The following TDRD10 variants were observed in gnomAD, a reference collection of about 807,000 sequenced individuals.
The protein encoded by TDRD10 is tudor domain-containing protein 10.
A neutral mutation model predicts 48.0 loss-of-function variants in TDRD10; 40 were observed. The observed-to-expected ratio is 0.83, with a 90% CI of 0.65 to 1.09. The LOEUF is 1.09. Among genes scored for constraint, TDRD10 ranks in the 50% least tolerant of loss-of-function variants. The pLI is 0.00. For missense variants in TDRD10, 378 were observed against 434.7 expected (o/e 0.87, Z 1.16); for synonymous variants, 162 against 170.4 (o/e 0.95, Z 0.38).
intron 4 of TDRD10, among the ~76,000 whole-genome samples, chr1:154,509,095 C>CT (rs59771172): frequency 0.038 from 4,834 of 127,154 alleles, 242 homozygotes; most frequent in Middle Eastern, 0.075. Context: ...CACCTCCTGA[C>CT]TTTTTTTTTT....
At chr1:154,525,947 T>TA (rs1694294812) in intron 6 of TDRD10, among the ~76,000 whole-genome samples, 1 of 139,968 alleles carries the variant, frequency 7.1e-6, no homozygotes, top group Non-Finnish European at 1.5e-5. Context: ...CTCACGCCGG[T>TA]AATCCTAGCA....
intron 4 of TDRD10, among the ~76,000 whole-genome samples, chr1:154,511,946 T>C (rs145769375): frequency 6.6e-6 from 1 of 151,998 alleles, no homozygotes; most frequent in East Asian, 1.9e-4. Context: ...CAAGAATCAC[T>C]TGAACCCAGG....
In TDRD10 at chr1:154,508,403, A is replaced by G. The variant is rs756797389; in HGVS notation, c.83-20A>G. ...CTAACCGTATGTATGCCTGCCATTTAATGCTGTTTTTCTTCTTAGGATTCA... is the reference window on the plus strand; with the variant it reads ...CTAACCGTATGTATGCCTGCCATTTGATGCTGTTTTTCTTCTTAGGATTCA... On this transcript the variant is annotated intron_variant, in intron 3 of 12. Transcript: ENST00000368482. The G allele has an allele frequency of 8.9e-6, 14 of 1,569,434 alleles. No homozygotes were observed. The highest frequency in any genetic ancestry group is 6.7e-5 in the South Asian group (6 of 90,192).
At chr1:154,522,855 T>C (rs909949679) in intron 6 of TDRD10, among the ~76,000 whole-genome samples, 1 of 152,206 alleles carries the variant, frequency 6.6e-6, no homozygotes, top group Non-Finnish European at 1.5e-5. Flanking sequence ...CTTATTATCA[T>C]GCAAATTTAG....
chr1:154,520,218 G>A (rs1213381467), intron 4 of TDRD10, 86 bp from the exon 5 acceptor site: 9 of 943,078 alleles, frequency 9.5e-6, no homozygotes, highest in Non-Finnish European at 1.4e-5. Context: ...ATTGAGTCCA[G>A]ACTAGCTGGC....
intron 6 of TDRD10, among the ~76,000 whole-genome samples, chr1:154,540,537 TCA>T (rs1358828063): frequency 7.2e-6 from 1 of 138,356 alleles, no homozygotes; most frequent in East Asian, 2.0e-4. Context: ...AAAATGCCGT[TCA>T]CTCAAATGGA....
intron 6 of TDRD10, among the ~76,000 whole-genome samples, chr1:154,538,809 C>A (rs1695063874): frequency 6.6e-6 from 1 of 151,644 alleles, no homozygotes; most frequent in Non-Finnish European, 1.5e-5. Context: ...GCCTAGATTG[C>A]ATCACTGCAC....
chr1:154,528,811 G>A (rs562335013), intron 6 of TDRD10, among the ~76,000 whole-genome samples: 46 of 57,108 alleles, frequency 8.1e-4, no homozygotes, highest in African/African-American at 1.8e-3. Context: ...GTAAGACTCT[G>A]TCTCAAAAAA....
intron 6 of TDRD10, among the ~76,000 whole-genome samples, chr1:154,524,617 G>A (rs774418785): frequency 6.6e-6 from 1 of 152,174 alleles, no homozygotes; most frequent in African/African-American, 2.4e-5. Flanking sequence ...TTTTGTGTGT[G>A]TGTCATAGTT....
At chr1:154,533,033 ATTCCCAAGTGGT>A (rs1171007591) in intron 6 of TDRD10, among the ~76,000 whole-genome samples, 2 of 152,192 alleles carry the variant, frequency 1.3e-5, no homozygotes, top group Non-Finnish European at 2.9e-5. Context: ...GAAGTCCAGG[ATTCCCAAGTGGT>A]TTCTATTGAC....
chr1:154,547,318 T>C (rs1181918761), intron 11 of TDRD10, 91 bp from the exon 12 acceptor site: 1 of 1,414,558 alleles, frequency 7.1e-7, no homozygotes, highest in Non-Finnish European at 9.9e-7. Flanking sequence ...CAGAGCACTT[T>C]CCCTGCAGCC....
chr1:154,516,186 G>A (rs1693756822), intron 4 of TDRD10, among the ~76,000 whole-genome samples: 1 of 152,202 alleles, frequency 6.6e-6, no homozygotes, highest in Non-Finnish European at 1.5e-5. Context: ...CTTTTTCAAG[G>A]ATTTTAGTCA....
chr1:154,532,859 C>T (rs1299431581), intron 6 of TDRD10, among the ~76,000 whole-genome samples: 1 of 152,228 alleles, frequency 6.6e-6, no homozygotes, highest in Non-Finnish European at 1.5e-5. Flanking sequence ...TCTAAGGCGG[C>T]AGCGAGCCCC....
chr1:154,514,878 T>TTTATTTATTTATTTATTTA (rs1553195475), intron 4 of TDRD10, among the ~76,000 whole-genome samples: 6 of 142,494 alleles, frequency 4.2e-5, no homozygotes, highest in Non-Finnish European at 6.1e-5. Context: ...TTATTTATTT[T>TTTATTTATTTATTTATTTA]TTTTTTTGAG....
intron 10 of TDRD10, 101 bp downstream of exon 10, chr1:154,544,618 G>A: frequency 6.7e-7 from 1 of 1,498,506 alleles, no homozygotes; most frequent in South Asian, 1.3e-5. Context: ...TTTTCCTGTG[G>A]CTTCTTCTCT....
rs558328178 is a variant in TDRD10 at position 154,540,724 on chromosome 1, G to A, written c.370-1300G>A. Among the ~76,000 whole-genome samples, 3 of 152,222 alleles carry A rather than the reference G, an allele frequency of 2.0e-5. No individual in the cohort carries two copies. In the South Asian group the frequency reaches 6.2e-4, roughly 32 times the overall value. On this transcript the variant is annotated intron_variant, in intron 6 of 12. Coordinates refer to ENST00000368482, the MANE Select transcript of TDRD10 (RefSeq NM_182499.4). The stretch of plus-strand genomic sequence containing the variant: ...GCTGGGGCTGCAGCTTTGAGAGTCC[G>A]TGGTACATTGTTGATACCTAAAACC...
chr1:154,545,288 G>T (rs1282194450), intron 11 of TDRD10, among the ~76,000 whole-genome samples: 1 of 152,172 alleles, frequency 6.6e-6, no homozygotes, highest in Non-Finnish European at 1.5e-5. Context: ...TGTTGCTTCA[G>T]ATTTCACTGG....
At chr1:154,518,841 A>G (rs1693909121) in intron 4 of TDRD10, among the ~76,000 whole-genome samples, 1 of 152,240 alleles carries the variant, frequency 6.6e-6, no homozygotes, top group African/African-American at 2.4e-5. Flanking sequence ...TTTACAAAAA[A>G]AGGTGGTGGA....
intron 11 of TDRD10, among the ~76,000 whole-genome samples, chr1:154,545,499 G>A (rs1695499117): frequency 6.6e-6 from 1 of 152,160 alleles, no homozygotes; most frequent in Non-Finnish European, 1.5e-5. Flanking sequence ...TGTTTTAGGG[G>A]GCAGTCAGGA....
Sources: gnomAD v4.1 joint callset for allele counts (sites outside exome capture counted in the v4.1 genomes callset) on GRCh38, gnomAD v4.1.1 for gene constraint, MANE v1.5 for transcripts, NCBI Gene and HGNC (gene_info 2026-07-23, HGNC 2026-07-21) for gene names.